The following MME variants were observed in gnomAD, a reference collection of about 807,000 sequenced individuals.
MME encodes membrane metalloendopeptidase, also known as neprilysin.
Under a neutral mutation model 113.2 loss-of-function variants are expected in MME, and 98 were observed. The ratio of observed to expected loss-of-function variants is 0.87; its 90% CI spans 0.74 to 1.02. The LOEUF (loss-of-function observed/expected upper bound fraction) is 1.02, where lower values mean the gene tolerates loss of function less well. MME is among the 50% of genes least tolerant of loss of function. The pLI is 0.00. For synonymous variants in MME, 292 were observed against 300.6 expected (o/e 0.97, Z 0.30); for missense variants, 836 against 896.0 (o/e 0.93, Z 0.86).
Position 155,084,141 on chromosome 3 carries a change from A to G in MME, c.-10-17A>G, listed in dbSNP as rs148774018. 501 of 1,594,296 alleles carry G rather than the reference A, an allele frequency of 3.1e-4. 2 individuals are homozygous for G. In the African/African-American group the frequency reaches 6.1e-3, roughly 20 times the overall value. ...TATTTATTTGTTTTTCATTATTAGT[A>G]TTTTCATTTTTTGCAGATTTTAGGT... On this transcript the variant is annotated splice_polypyrimidine_tract_variant and intron_variant, in intron 1 of 22. Coordinates refer to ENST00000360490, the MANE Select transcript of MME (RefSeq NM_007289.4).
chr3:155,068,804 G>A (rs1327232243), intron 1 of MME, among the ~76,000 whole-genome samples: 2 of 152,218 alleles, frequency 1.3e-5, no homozygotes, highest in East Asian at 1.9e-4. Context: ...AGATGAAATA[G>A]TGTCTTTCTA....
intron 2 of MME, 113 bp downstream of exon 2, chr3:155,084,440 G>C: frequency 9.7e-7 from 1 of 1,026,322 alleles, no homozygotes; most frequent in Admixed American, 1.9e-5. Context: ...CTTAAAGACT[G>C]ACAAAGAGAT....
At chr3:155,073,982 T>C (rs1308188778) in intron 1 of MME, among the ~76,000 whole-genome samples, 1 of 152,138 alleles carries the variant, frequency 6.6e-6, no homozygotes, top group East Asian at 1.9e-4. Flanking sequence ...CTACATAATT[T>C]ACCAATATTT....
intron 3 of MME, among the ~76,000 whole-genome samples, chr3:155,099,339 T>C (rs1377366755): frequency 6.6e-6 from 1 of 152,188 alleles, no homozygotes; most frequent in East Asian, 1.9e-4. Context: ...ATCAATGAGT[T>C]CTTATCTTAA....
chr3:155,153,022 A>C (rs940625420), intron 16 of MME, among the ~76,000 whole-genome samples: 4 of 151,892 alleles, frequency 2.6e-5, no homozygotes, highest in Non-Finnish European at 5.9e-5. Context: ...TGGCACCTGC[A>C]AAGGACAGGG....
chr3:155,108,596 C>CAAAAAAAAAAAA (rs1171566927), intron 3 of MME, among the ~76,000 whole-genome samples: 7 of 86,692 alleles, frequency 8.1e-5, no homozygotes, highest in South Asian at 7.3e-4. Context: ...GACTTCATCT[C>CAAAAAAAAAAAA]AAAAAAAAAA....
chr3:155,067,203 GA>G (rs947619861), intron 1 of MME, among the ~76,000 whole-genome samples: 1,856 of 62,306 alleles, frequency 0.03, 22 homozygotes, highest in East Asian at 0.063. Flanking sequence ...CAGGCAATTT[GA>G]AAAAAAAAAA....
intron 1 of MME, among the ~76,000 whole-genome samples, chr3:155,063,212 TAATATACATATGTATATTATTATATATTA>T: frequency 8.3e-6 from 1 of 120,074 alleles, no homozygotes; most frequent in East Asian, 2.3e-4. Flanking sequence ...TATTATATAA[TAATATACATATGTATATTATTATATATTA>T]TATAATAATA....
At position 155,151,200 on chromosome 3, in the gene MME, C is replaced by T. The variant is rs113957967; in HGVS notation, c.1601+2547C>T. Among the ~76,000 whole-genome samples, 412 of 152,196 alleles carry T rather than the reference C, an allele frequency of 2.7e-3. 2 individuals carry two copies. Among genetic ancestry groups the T allele is most frequent in the African/African-American group, 9.1e-3 (376 of 41,534 alleles). On this transcript the variant is annotated intron_variant, in intron 16 of 22. Transcript: ENST00000360490. ...GTTGCTTCTACTTGTCCACATAGCC[C>T]GTAGTTACATCTTAGAGAATTACAT...
intron 8 of MME, among the ~76,000 whole-genome samples, chr3:155,129,879 A>G (rs1483491614): frequency 5.9e-5 from 9 of 152,250 alleles, no homozygotes; most frequent in Admixed American, 5.9e-4. Context: ...TTTGTAAGTG[A>G]AACCAACCAG....
chr3:155,140,014 A>G (rs1720937110), intron 9 of MME, among the ~76,000 whole-genome samples, 177 bp from the exon 10 acceptor site: 1 of 152,150 alleles, frequency 6.6e-6, no homozygotes, highest in Admixed American at 6.6e-5. Flanking sequence ...TACTACTTCT[A>G]CTCCAAAAAT....
At chr3:155,068,387 A>G (rs1432368783) in intron 1 of MME, among the ~76,000 whole-genome samples, 2 of 152,226 alleles carry the variant, frequency 1.3e-5, no homozygotes, top group East Asian at 3.8e-4. Flanking sequence ...TCATGGGCAT[A>G]TACATAATAA....
intron 1 of MME, among the ~76,000 whole-genome samples, chr3:155,038,995 C>A (rs1172755139): frequency 1.3e-5 from 2 of 152,152 alleles, no homozygotes; most frequent in Non-Finnish European, 1.5e-5. Context: ...TAAAAAAGAA[C>A]CTCATTGTAT....
chr3:155,117,104 G>A, intron 7 of MME, 118 bp downstream of exon 7: 1 of 722,674 alleles, frequency 1.4e-6, no homozygotes, highest in South Asian at 1.5e-5. Flanking sequence ...AATAAGCAAG[G>A]AGGTAGTATA....
intron 1 of MME, among the ~76,000 whole-genome samples, chr3:155,064,455 G>A (rs918772895): frequency 2.6e-5 from 4 of 152,072 alleles, no homozygotes; most frequent in South Asian, 2.1e-4. Flanking sequence ...AAGGAAAAAA[G>A]GTTTGTTTCA....
intron 3 of MME, chr3:155,089,701 C>T: frequency 6.7e-6 from 2 of 297,170 alleles, no homozygotes; most frequent in Non-Finnish European, 1.4e-5. Flanking sequence ...AATATGTTGC[C>T]TTATATGGCA....
intron 1 of MME, among the ~76,000 whole-genome samples, chr3:155,058,879 A>G (rs1435029130): frequency 1.3e-5 from 2 of 152,222 alleles, no homozygotes; most frequent in Non-Finnish European, 2.9e-5. Flanking sequence ...CACACAAGGC[A>G]CAGGTTCCAA....
At chr3:155,069,726 C>T (rs1714493514) in intron 1 of MME, among the ~76,000 whole-genome samples, 1 of 152,064 alleles carries the variant, frequency 6.6e-6, no homozygotes, top group South Asian at 2.1e-4. Flanking sequence ...CCCTGAGTTC[C>T]TAGGCAGGAA....
At chr3:155,137,992 A>T in intron 8 of MME, 110 bp from the exon 9 acceptor site, 1 of 1,204,052 alleles carries the variant, frequency 8.3e-7, no homozygotes, top group Non-Finnish European at 1.2e-6. Flanking sequence ...TTTTTATTTT[A>T]CTAAGGTTAT....
Sources: gnomAD v4.1 joint callset for allele counts (sites outside exome capture counted in the v4.1 genomes callset) on GRCh38, gnomAD v4.1.1 for gene constraint, MANE v1.5 for transcripts, NCBI Gene and HGNC (gene_info 2026-07-23, HGNC 2026-07-21) for gene names.